The following ACE variants were observed in gnomAD, a reference collection of about 807,000 sequenced individuals.
ACE encodes angiotensin I converting enzyme, also known as angiotensin-converting enzyme.
A neutral mutation model predicts 162.3 loss-of-function variants in ACE; 122 were observed. The ratio of observed to expected loss-of-function variants is 0.75; its 90% confidence interval spans 0.65 to 0.87. ACE has a LOEUF of 0.87. ACE is among the 40% of genes least tolerant of loss of function. The pLI is 0.00. For synonymous variants in ACE, 796 were observed against 720.6 expected (o/e 1.10, Z -1.68); for missense variants, 1,799 against 1,735.1 (o/e 1.04, Z -0.65).
rs747410284 is a variant in ACE at position 63,477,343 on chromosome 17, G to C, written c.249G>C (p.Gln83His). ...TCACCGCGGAGAATGCAAGGCGCCA[G>C]GTGGGCGCCCGGGCCCGGGCGGGGG... ...TNITAENARR[Q>H]EEAALLSQEF... Residue 83 changes from glutamine to histidine, a missense_variant and splice_region_variant, in exon 1 of 25, where the codon CAG becomes CAC. Coordinates refer to ENST00000290866, the MANE Select transcript of ACE (RefSeq NM_000789.4). 3.8e-5 allele frequency: 50 copies of C among 1,312,806 alleles called. No individual in the cohort carries two copies. The highest frequency in any genetic ancestry group is 4.8e-5 in the Non-Finnish European group (49 of 1,021,508). The allele number at this position is 1,312,806 out of a possible 1,614,324, so 81.3% of individuals were successfully genotyped here. A position where few individuals can be genotyped will look rare whatever the true frequency, so the allele number is the denominator to read the frequency against.
intron 15 of ACE, 59 bp downstream of exon 15, chr17:63,487,132 G>A (rs113814149): frequency 1.4e-6 from 2 of 1,469,284 alleles, no homozygotes; most frequent in Non-Finnish European, 1.9e-6. Context: ...ATGGGGCCCG[G>A]GGGTGCTGGG....
chr17:63,481,441 A>T, intron 6 of ACE, 125 bp from the exon 7 acceptor site: 1 of 1,089,114 alleles, frequency 9.2e-7, no homozygotes, highest in Non-Finnish European at 1.3e-6. Flanking sequence ...TGCCTCTGGG[A>T]ATGGTGGCCA....
chr17:63,482,817 C>T (rs564220411), intron 8 of ACE, 128 bp downstream of exon 8: 6 of 1,158,110 alleles, frequency 5.2e-6, no homozygotes, highest in Admixed American at 3.8e-5. Flanking sequence ...AGGCAGGGTT[C>T]GGGATCCTCC....
Position 63,486,583 on chromosome 17 carries a change from C to A in ACE, c.2085C>A (p.Asn695Lys). 1.9e-6 allele frequency: 3 copies of A among 1,614,218 alleles called. No individual in the cohort carries two copies. Among genetic ancestry groups the A allele is most frequent in the Non-Finnish European group, 2.5e-6 (3 of 1,180,038 alleles). The change falls in exon 14 of 25, where the codon AAC (asparagine) becomes AAA (lysine). Residue 695 changes from asparagine to lysine, a missense_variant. Coordinates refer to ENST00000290866, the MANE Select transcript of ACE (RefSeq NM_000789.4). Reference protein sequence around the residue: ...ILLQKNMQIANHTLKYGTQAR... With the variant: ...ILLQKNMQIAKHTLKYGTQAR... ...TGCAGAAGAACATGCAAATAGCCAACCACACCCTGAAGTACGGCACCCAGG... is the reference window on the plus strand; with the variant it reads ...TGCAGAAGAACATGCAAATAGCCAAACACACCCTGAAGTACGGCACCCAGG...
At chr17:63,477,846 C>G in intron 1 of ACE, 85 bp from the exon 2 acceptor site, 1 of 1,522,152 alleles carries the variant, frequency 6.6e-7, no homozygotes, top group South Asian at 1.2e-5. Flanking sequence ...GGCCTTCCTC[C>G]CCTCCCCCAG....
At chr17:63,478,182 G>A (rs758113296) in intron 2 of ACE, 84 bp downstream of exon 2, 215 of 1,511,750 alleles carry the variant, frequency 1.4e-4, no homozygotes, top group Non-Finnish European at 1.8e-4. Context: ...CCATCAGGGA[G>A]GGAGGAACCC....
intron 13 of ACE, 89 bp from the exon 14 acceptor site, chr17:63,486,468 T>A: frequency 6.8e-7 from 1 of 1,478,270 alleles, no homozygotes; most frequent in South Asian, 1.2e-5. Flanking sequence ...CACCACCACC[T>A]CCAGCCCTCA....
intron 22 of ACE, 65 bp downstream of exon 22, chr17:63,494,535 G>C: frequency 7.0e-7 from 1 of 1,422,886 alleles, no homozygotes; most frequent in East Asian, 2.3e-5. Context: ...TTTCAACTGC[G>C]GCCACTGCCC....
rs34241302 is a variant in ACE, at chr17:63,482,688, G to A, written c.1341G>A (p.Thr447=). 1.9e-5 allele frequency: 31 copies of A among 1,613,364 alleles called. No individual in the cohort carries two copies. The highest frequency in any genetic ancestry group is 1.8e-4 in the Admixed American group (11 of 60,000). ...IGLLDRVTND[T]ESDINYLLKM... ...TGCTGGACCGTGTCACCAATGACAC[G>A]GGTATGGGAGGGCTGAGAGGCCCCC... Residue 447 remains threonine (T), a splice_region_variant and synonymous_variant, in exon 8 of 25, where the codon ACG becomes ACA. Coordinates refer to ENST00000290866, the MANE Select transcript of ACE (RefSeq NM_000789.4).
At chr17:63,493,722 G>T in intron 20 of ACE, 63 bp downstream of exon 20, 1 of 1,580,226 alleles carries the variant, frequency 6.3e-7, no homozygotes, top group Non-Finnish European at 8.6e-7. Flanking sequence ...AGCTTGGGAG[G>T]TGGGAAAGGG....
At position 63,490,985 on chromosome 17, in the gene ACE, C is replaced by T; in HGVS notation, c.2673C>T (p.Ile891=). Residue 891 remains isoleucine (I), a synonymous_variant, in exon 18 of 25, where the codon ATC becomes ATT. Coordinates refer to ENST00000290866, the MANE Select transcript of ACE (RefSeq NM_000789.4). ...TGTGGGCGCAGACCTGGTCCAACAT[C>T]TATGACTTGGTGGTGCCCTTCCCTT... ...GNMWAQTWSN[I]YDLVVPFPSA... 1 of 1,614,222 alleles carries T rather than the reference C, an allele frequency of 6.2e-7. No individual in the cohort carries two copies. Among genetic ancestry groups the T allele is most frequent in the Non-Finnish European group, 8.5e-7 (1 of 1,180,034 alleles).
chr17:63,495,334 C>A (rs1661286093), intron 22 of ACE, among the ~76,000 whole-genome samples: 1 of 152,168 alleles, frequency 6.6e-6, no homozygotes, highest in Non-Finnish European at 1.5e-5. Context: ...GGCTGGAGTT[C>A]CAGGTGCCCC....
At chr17:63,494,578 G>C (rs981717277) in intron 22 of ACE, 108 bp downstream of exon 22, 14 of 1,042,422 alleles carry the variant, frequency 1.3e-5, no homozygotes, top group African/African-American at 4.7e-5. Flanking sequence ...GGGCAGACCC[G>C]GGGGAGCCGG....
At position 63,477,102 on chromosome 17, in the gene ACE, C is replaced by A; in HGVS notation, c.8C>A (p.Ala3Asp). 7.6e-7 allele frequency: 1 copy of A among 1,311,976 alleles called. No homozygotes were observed. The allele number at this position is 1,311,976 out of a possible 1,614,324, so 81.3% of individuals were successfully genotyped here. A position where few individuals can be genotyped will look rare whatever the true frequency, so the allele number is the denominator to read the frequency against. The part of the protein sequence containing the change: MG[A>D]ASGRRGPGLL... ...AGCACCGCGCACCGCGTCATGGGGGCCGCCTCGGGCCGCCGGGGGCCGGGG... is the reference window on the plus strand; with the variant it reads ...AGCACCGCGCACCGCGTCATGGGGGACGCCTCGGGCCGCCGGGGGCCGGGG... Residue 3 changes from alanine (A) to aspartate (D), a missense_variant, in exon 1 of 25, where the codon GCC becomes GAC. Physicochemically the swap from Ala to Asp is moderately radical, Grantham distance 126. Coordinates refer to ENST00000290866, the MANE Select transcript of ACE (RefSeq NM_000789.4).
In ACE at chr17:63,484,811, G is replaced by A; in HGVS notation, c.1921+270G>A. ...CAAGGCTCTGTGAGGTCACACTGCG[G>A]GCTCCGCTCTTATTGGCCAGGGGAC... On this transcript the variant is annotated intron_variant, in intron 12 of 24. Transcript: ENST00000290866. This position sits in a 1 kb window ranked among gnomAD's most constrained non-coding sequence, Gnocchi z 4.0. 1 of 1,510,856 alleles carries A rather than the reference G, an allele frequency of 6.6e-7. No homozygotes were observed. The highest frequency in any genetic ancestry group is 8.9e-7 in the Non-Finnish European group (1 of 1,129,150). 93.6% of individuals were successfully genotyped at this position (1,510,856 alleles called of 1,614,324 possible).
rs949308965 is a variant in ACE, at chr17:63,497,606, G to T, written c.*240G>T. The T allele has an allele frequency of 2.9e-6, 2 of 695,456 alleles. No individual in the cohort carries two copies. The highest frequency in any genetic ancestry group is 4.0e-5 in the Admixed American group (2 of 49,566). 43.1% of individuals were successfully genotyped at this position (695,456 alleles called of 1,614,324 possible). On this transcript the variant is annotated 3_prime_UTR_variant, in exon 25 of 25. Transcript: ENST00000290866. ...AGTCTCTCTGTGAATACAATTAAAG[G>T]TCCTGCCCTCCCCATCTGAGTCTGT...
Position 63,483,933 on chromosome 17 carries a change from T to G in ACE, c.1671T>G (p.Cys557Trp). 1 of 1,614,110 alleles carries G rather than the reference T, an allele frequency of 6.2e-7. No homozygotes were observed. Among genetic ancestry groups the G allele is most frequent in the African/African-American group, 1.3e-5 (1 of 75,038 alleles). ...EAGYEGPLHQ[C>W]DIYRSTKAGA... ...GCTATGAGGGCCCACTGCACCAGTG[T>G]GACATCTACCGGTCCACCAAGGCAG... is the stretch of plus-strand genomic sequence containing the variant. The change falls in exon 11 of 25, where the codon TGT becomes TGG. Residue 557 changes from cysteine (C) to tryptophan (W), a missense_variant. By Grantham distance (215) the Cys-to-Trp change is radical (BLOSUM62 -2). Coordinates refer to ENST00000290866, the MANE Select transcript of ACE (RefSeq NM_000789.4).
chr17:63,496,849 G>A lies in ACE; in HGVS notation c.3555G>A (p.Leu1185=). The A allele has an allele frequency of 6.2e-7, 1 of 1,613,514 alleles. No homozygotes were observed. Among genetic ancestry groups the A allele is most frequent in the Non-Finnish European group, 8.5e-7 (1 of 1,180,044 alleles). The change falls in exon 24 of 25, where the codon CTG becomes CTA. Residue 1185 remains leucine, a synonymous_variant. Transcript: ENST00000290866. The part of the protein sequence containing the change: ...FSRPWPEAMQ[L]ITGQPNMSAS... ...GGCCGTGGCCGGAAGCCATGCAGCT[G>A]ATCACGGGCCAGCCCAACATGAGCG...
intron 3 of ACE, 113 bp from the exon 4 acceptor site, chr17:63,479,656 G>A (rs1451191470): frequency 1.3e-5 from 19 of 1,440,804 alleles, no homozygotes; most frequent in Middle Eastern, 1.8e-4. Context: ...TGGGGGCACC[G>A]TGATGTTCAG....
Sources: gnomAD v4.1 joint callset for allele counts (sites outside exome capture counted in the v4.1 genomes callset) on GRCh38, gnomAD v4.1.1 for gene constraint, Gnocchi (gnomAD v3.1) non-coding constraint, MANE v1.5 for transcripts, NCBI Gene and HGNC (gene_info 2026-07-23, HGNC 2026-07-21) for gene names.